The following ANXA10 variants were observed in gnomAD, a reference collection of about 807,000 sequenced individuals.
The protein encoded by ANXA10 is annexin A10.
ANXA10 carries 49 observed loss-of-function variants against 53.5 expected under a neutral mutation model. The ratio of observed to expected loss-of-function variants is 0.92; its 90% CI spans 0.73 to 1.16. The LOEUF (loss-of-function observed/expected upper bound fraction) is 1.16, where lower values mean the gene tolerates loss of function less well. ANXA10 is among the 50% of genes most tolerant of loss of function. The pLI is 0.00. For synonymous variants in ANXA10, 131 were observed against 128.9 expected (o/e 1.02, Z -0.11); for missense variants, 393 against 394.4 (o/e 1.00, Z 0.03).
At chr4:168,149,441 C>T (rs1731459985) in intron 3 of ANXA10, among the ~76,000 whole-genome samples, 1 of 152,054 alleles carries the variant, frequency 6.6e-6, no homozygotes, top group Non-Finnish European at 1.5e-5. Flanking sequence ...ATTTTATTTG[C>T]TTTCTTTAAA....
chr4:168,143,870 T>C (rs1378375882), intron 3 of ANXA10, among the ~76,000 whole-genome samples: 1 of 152,218 alleles, frequency 6.6e-6, no homozygotes, highest in Admixed American at 6.5e-5. Flanking sequence ...AGCTTCTCAG[T>C]AATGCCCACT....
chr4:168,097,353 A>G (rs1408428911), intron 1 of ANXA10, among the ~76,000 whole-genome samples: 4 of 152,076 alleles, frequency 2.6e-5, no homozygotes, highest in African/African-American at 9.7e-5. Context: ...GTGTTATTAG[A>G]CACAATCGCC....
At chr4:168,100,746 C>T (rs532965739) in intron 1 of ANXA10, among the ~76,000 whole-genome samples, 1 of 152,032 alleles carries the variant, frequency 6.6e-6, no homozygotes, top group South Asian at 2.1e-4. Context: ...ACTAGATATG[C>T]ACCTAAAAAT....
At chr4:168,175,686 G>A (rs1732114186) in intron 6 of ANXA10, among the ~76,000 whole-genome samples, 2 of 152,292 alleles carry the variant, frequency 1.3e-5, no homozygotes, top group South Asian at 4.1e-4. Context: ...AATTGCATAT[G>A]TGCAGTCTTA....
intron 3 of ANXA10, among the ~76,000 whole-genome samples, chr4:168,145,927 T>C (rs1161741794): frequency 5.1e-5 from 1 of 19,552 alleles, no homozygotes; most frequent in Non-Finnish European, 1.1e-4. Context: ...TTGAGTGGCT[T>C]TTTTTTTTTC....
At chr4:168,182,186 A>G (rs1732261759) in intron 10 of ANXA10, among the ~76,000 whole-genome samples, 1 of 152,178 alleles carries the variant, frequency 6.6e-6, no homozygotes, top group Non-Finnish European at 1.5e-5. Context: ...ATTTTTGAAC[A>G]TTGTGCTATT....
chr4:168,099,695 A>G (rs1178188592), intron 1 of ANXA10, among the ~76,000 whole-genome samples: 1 of 152,112 alleles, frequency 6.6e-6, no homozygotes. Flanking sequence ...GTGGGCGGCT[A>G]TGCTTGGTTT....
At chr4:168,100,611 C>A (rs1023458732) in intron 1 of ANXA10, among the ~76,000 whole-genome samples, 5 of 152,026 alleles carry the variant, frequency 3.3e-5, no homozygotes, top group Non-Finnish European at 5.9e-5. Flanking sequence ...CATGTTTGAA[C>A]CTCTATCTTA....
intron 1 of ANXA10, among the ~76,000 whole-genome samples, chr4:168,120,537 AT>A (rs1730967745): frequency 6.6e-6 from 1 of 151,614 alleles, no homozygotes; most frequent in South Asian, 2.1e-4. Flanking sequence ...TTGTTGGACA[AT>A]TGTGGTCATT....
intron 8 of ANXA10, 31 bp downstream of exon 8, chr4:168,178,014 C>T: frequency 4.4e-6 from 7 of 1,589,622 alleles, no homozygotes; most frequent in Non-Finnish European, 5.2e-6. Flanking sequence ...GTTCCAGCTA[C>T]TTGACCAATT....
intron 1 of ANXA10, among the ~76,000 whole-genome samples, chr4:168,123,819 C>T (rs1215062564): frequency 6.6e-6 from 1 of 151,968 alleles, no homozygotes; most frequent in Non-Finnish European, 1.5e-5. Flanking sequence ...CTTATAACAA[C>T]CTTTTAACAA....
chr4:168,127,864 T>A, intron 1 of ANXA10: 1 of 345,400 alleles, frequency 2.9e-6, no homozygotes, highest in East Asian at 6.0e-5. Flanking sequence ...GTAGCTGGGA[T>A]TACAGGCGCC....
intron 1 of ANXA10, among the ~76,000 whole-genome samples, chr4:168,112,191 G>A (rs568872031): frequency 2.0e-4 from 30 of 152,246 alleles, no homozygotes; most frequent in Non-Finnish European, 3.2e-4. Context: ...GGCTACTCAG[G>A]AGGCTGAGGC....
intron 6 of ANXA10, among the ~76,000 whole-genome samples, chr4:168,172,329 A>G (rs960637750): frequency 6.6e-6 from 1 of 152,236 alleles, no homozygotes; most frequent in Non-Finnish European, 1.5e-5. Flanking sequence ...AATGTCCAAA[A>G]CAATTATCTT....
intron 1 of ANXA10, among the ~76,000 whole-genome samples, chr4:168,126,489 C>T (rs1384397313): frequency 1.3e-5 from 2 of 152,134 alleles, no homozygotes; most frequent in African/African-American, 2.4e-5. Flanking sequence ...CTTGTGGCTA[C>T]CACCTCCAAC....
rs1430439003 is a variant in ANXA10, at chr4:168,187,437, TGAA to T, written c.*6_*8del. On this transcript the variant is annotated 3_prime_UTR_variant, in exon 12 of 12. Transcript: ENST00000359299. ...CTGGTGATGCTGAGGACTACTAAAATGAAGAGGACTTGGAGTACTGTGCACTCC... is the reference window on the plus strand; with the variant it reads ...CTGGTGATGCTGAGGACTACTAAAATGAGGACTTGGAGTACTGTGCACTCC... 26 of 1,579,410 alleles carry T rather than the reference TGAA, an allele frequency of 1.6e-5. No homozygotes were observed. The highest frequency in any genetic ancestry group is 2.2e-5 in the Non-Finnish European group (26 of 1,159,938).
At chr4:168,185,034 G>T (rs2149482836) in intron 11 of ANXA10, among the ~76,000 whole-genome samples, 2 of 152,102 alleles carry the variant, frequency 1.3e-5, no homozygotes, top group African/African-American at 4.8e-5. Context: ...CACGCCTGTA[G>T]TCCCAGCTAC....
chr4:168,116,027 A>G (rs1730887408), intron 1 of ANXA10, among the ~76,000 whole-genome samples: 1 of 152,166 alleles, frequency 6.6e-6, no homozygotes, highest in African/African-American at 2.4e-5. Context: ...TGCTTTGAAA[A>G]GCAAGAAAAG....
rs556511672 is a variant in ANXA10, at chr4:168,125,719, T to A, written c.19-2365T>A. Among the ~76,000 whole-genome samples, 2 of 152,290 alleles carry A rather than the reference T, an allele frequency of 1.3e-5. 1 individual carries two copies. The highest frequency in any genetic ancestry group is 4.1e-4 in the South Asian group (2 of 4,826). The stretch of plus-strand genomic sequence containing the variant: ...GTCTCAGGCATTAATAAATTTGAAA[T>A]TTTTCTGTCATTTAAGGATACCTAT... On this transcript the variant is annotated intron_variant, in intron 1 of 11. Coordinates refer to ENST00000359299, the MANE Select transcript of ANXA10 (RefSeq NM_007193.5).
Sources: allele counts gnomAD v4.1 joint callset (sites outside exome capture counted in the v4.1 genomes callset), GRCh38; gene constraint gnomAD v4.1.1; transcripts MANE v1.5; gene names NCBI Gene and HGNC (gene_info 2026-07-23, HGNC 2026-07-21).